The following COL11A2 variants were observed in gnomAD, a reference collection of about 807,000 sequenced individuals.
COL11A2 encodes the protein collagen alpha-2(XI) chain.
Under a neutral mutation model 273.4 loss-of-function variants are expected in COL11A2, and 116 were observed. The observed-to-expected ratio is 0.42, with a 90% confidence interval of 0.36 to 0.49. The LOEUF (loss-of-function observed/expected upper bound fraction) is 0.49. COL11A2 is among the 20% of genes least tolerant of loss of function. The probability of loss-of-function intolerance (pLI) is 0.00; values close to 1 mark genes in which losing one functional copy is unlikely to be tolerated. For synonymous variants in COL11A2, 782 were observed against 864.2 expected (o/e 0.90, Z 1.67); for missense variants, 1,866 against 2,309.0 (o/e 0.81, Z 3.93).
rs1365438026 is a variant in COL11A2, at chr6:33,169,930, A to T, written c.3637-46T>A. The stretch of plus-strand genomic sequence containing the variant: ...AAAACCTCCTCTCCTTCCCCAGCCA[A>T]AAAATTCTGATATTCCCCACATCTC... On this transcript the variant is annotated intron_variant, in intron 49 of 65. Transcript: ENST00000341947. This position sits in a 1 kb window ranked among gnomAD's most constrained non-coding sequence, Gnocchi z 5.5. 2 of 1,613,900 alleles carry T rather than the reference A, an allele frequency of 1.2e-6. No individual in the cohort carries two copies. The highest frequency in any genetic ancestry group is 2.2e-5 in the South Asian group (2 of 91,086).
At chr6:33,192,053 T>G (rs1226117307) in intron 1 of COL11A2, 106 bp downstream of exon 1, 2 of 1,070,824 alleles carry the variant, frequency 1.9e-6, no homozygotes, top group Non-Finnish European at 1.4e-6. Context: ...CCAAATCTCC[T>G]TGTTAGACTC....
In COL11A2 at chr6:33,169,082, C is replaced by G; in HGVS notation, c.3799-74G>C. 1 of 1,432,732 alleles carries G rather than the reference C, an allele frequency of 7.0e-7. No individual in the cohort carries two copies. Among genetic ancestry groups the G allele is most frequent in the Non-Finnish European group, 9.5e-7 (1 of 1,053,204 alleles). The allele number at this position is 1,432,732 out of a possible 1,614,324, so 88.8% of individuals were successfully genotyped here. On this transcript the variant is annotated intron_variant, in intron 51 of 65. Coordinates refer to ENST00000341947, the MANE Select transcript of COL11A2 (RefSeq NM_080680.3). This position sits in a 1 kb window ranked among gnomAD's most constrained non-coding sequence, Gnocchi z 5.5. Reference sequence around the variant, plus strand: ...CCCAGCACAGACGCCCACAGGCACACGCCACTGCCTCTCTAGAGGCAGTGC... The same window carrying G: ...CCCAGCACAGACGCCCACAGGCACAGGCCACTGCCTCTCTAGAGGCAGTGC...
rs1276641603 is a variant in COL11A2, at chr6:33,190,284, C to T, written c.83-815G>A. On this transcript the variant is annotated intron_variant, in intron 1 of 65. Transcript: ENST00000341947. This position sits in a 1 kb window ranked among gnomAD's most constrained non-coding sequence, Gnocchi z 4.5. ...CCCTGAGCCACACATCTGTGGATCCCATCAGAGTGCTTGCCCAGAACCCAG... is the reference window on the plus strand; with the variant it reads ...CCCTGAGCCACACATCTGTGGATCCTATCAGAGTGCTTGCCCAGAACCCAG... 6.6e-6 allele frequency among the ~76,000 whole-genome samples: 1 copy of T among 152,040 alleles called. No homozygotes were observed. The highest frequency in any genetic ancestry group is 1.9e-4 in the East Asian group (1 of 5,180).
At position 33,171,781 on chromosome 6, in the gene COL11A2, G is replaced by GC; in HGVS notation, c.3081_3082insG (p.Pro1028AlafsTer25). 1 of 1,612,938 alleles carries GC rather than the reference G, an allele frequency of 6.2e-7. No homozygotes were observed. The highest frequency in any genetic ancestry group is 8.5e-7 in the Non-Finnish European group (1 of 1,179,954). On this transcript the variant is annotated frameshift_variant, in exon 42 of 66. Transcript: ENST00000341947. LOFTEE classifies it high-confidence loss of function. ...CCTGGGCGCCCTGGCGGACCAATGG[G>GC]TCCCCCTGATCCTGCTGCACCTCGT...
Position 33,164,174 on chromosome 6 carries a change from T to A in COL11A2, c.5070+93A>T. 1 of 1,415,164 alleles carries A rather than the reference T, an allele frequency of 7.1e-7. No individual in the cohort carries two copies. The highest frequency in any genetic ancestry group is 9.7e-7 in the Non-Finnish European group (1 of 1,031,194). 87.7% of individuals were successfully genotyped at this position (1,415,164 alleles called of 1,614,324 possible). On this transcript the variant is annotated intron_variant, in intron 65 of 65. Transcript: ENST00000341947. This position sits in a 1 kb window ranked among gnomAD's most constrained non-coding sequence, Gnocchi z 4.7. ...TCCAGCAGGACGGACTCCTCCCTGC[T>A]CCCCCTGGGTGCCCTGCCCAAGGGG...
At position 33,163,785 on chromosome 6, in the gene COL11A2, T is replaced by A. The variant is rs1768676111; in HGVS notation, c.5104A>T (p.Thr1702Ser). 6.2e-7 allele frequency: 1 copy of A among 1,612,778 alleles called. No homozygotes were observed. The highest frequency in any genetic ancestry group is 8.5e-7 in the Non-Finnish European group (1 of 1,179,980). ...ACTGGCAGCTGCTCCAGCACAGGCG[T>A]TCGCACCTCCAGCACCGTCCGGCCT... is the stretch of plus-strand genomic sequence containing the variant. ...QQGRTVLEVR[T>S]PVLEQLPVLD... The change falls in exon 66 of 66, where the codon ACG becomes TCG. Residue 1702 changes from threonine (T) to serine (S), a missense_variant. By Grantham distance (58) the Thr-to-Ser change is moderately conservative (BLOSUM62 1). Transcript: ENST00000341947. This position sits in a 1 kb window ranked among gnomAD's most constrained non-coding sequence, Gnocchi z 4.1.
Position 33,165,760 on chromosome 6 carries a change from C to T in COL11A2, c.4539G>A (p.Arg1513=), listed in dbSNP as rs1346689473. 1.9e-6 allele frequency: 3 copies of T among 1,612,688 alleles called. No individual in the cohort carries two copies. In the East Asian group the frequency reaches 6.7e-5, roughly 36 times the overall value. The change falls in exon 63 of 66, where the codon CGG becomes CGA. Residue 1513 remains arginine, a synonymous_variant. Coordinates refer to ENST00000341947, the MANE Select transcript of COL11A2 (RefSeq NM_080680.3). The surrounding 1 kb of genome is among the most constrained non-coding windows in gnomAD (Gnocchi z 7.7). ...PLPIQMPKKT[R]RSVDGSRLMQ... ...TCAGACGGCTTCCATCCACCGAGCG[C>T]CGAGTCTTCTTGGGCATCTGAATGG...
Position 33,164,987 on chromosome 6 carries a change from G to T in COL11A2, c.4751-23C>A. ...CTCCTGTTGGGTGAGGGAGAGGGGA[G>T]GTCAGGGCCACCTAGGTCCAGGCTC... is the stretch of plus-strand genomic sequence containing the variant. On this transcript the variant is annotated intron_variant, in intron 63 of 65. Transcript: ENST00000341947. The surrounding 1 kb of genome is among the most constrained non-coding windows in gnomAD (Gnocchi z 4.7). The T allele has an allele frequency of 6.5e-7, 1 of 1,543,828 alleles. No homozygotes were observed. Among genetic ancestry groups the T allele is most frequent in the Non-Finnish European group, 8.8e-7 (1 of 1,137,492 alleles).
chr6:33,176,764 C>A lies in COL11A2; in HGVS notation c.2072G>T (p.Gly691Val), dbSNP rs752852730. ...PGMPGSDGPP[G>V]HPGKEGPPGT... ...AGGGGGACCTTCCTTCCCTGGGTGACCCTGGGAGTAAGGGATAGAAAATGT... is the reference window on the plus strand; with the variant it reads ...AGGGGGACCTTCCTTCCCTGGGTGAACCTGGGAGTAAGGGATAGAAAATGT... The change falls in exon 26 of 66, where the codon GGT (glycine) becomes GTT (valine). Residue 691 changes from glycine to valine, a missense_variant and splice_region_variant. Gly to Val is a moderately radical substitution (Grantham distance 109). Coordinates refer to ENST00000341947, the MANE Select transcript of COL11A2 (RefSeq NM_080680.3). The surrounding 1 kb of genome is among the most constrained non-coding windows in gnomAD (Gnocchi z 4.9). 6.2e-7 allele frequency: 1 copy of A among 1,612,856 alleles called. No homozygotes were observed. Among genetic ancestry groups the A allele is most frequent in the Non-Finnish European group, 8.5e-7 (1 of 1,179,594 alleles).
chr6:33,181,271 G>T, intron 8 of COL11A2, 101 bp from the exon 9 acceptor site: 2 of 1,238,852 alleles, frequency 1.6e-6, no homozygotes, highest in South Asian at 1.2e-5. Context: ...AGATCCTCTC[G>T]AGACCACTTC....
In COL11A2 at chr6:33,173,715, G is replaced by A. The variant is rs1280912715; in HGVS notation, c.2614C>T (p.Pro872Ser). ...GTSGGDGPHG[P>S]PGERGLPGPQ... ...TCCACACTCACCCTCTCTCCAGGGG[G>A]CCCATGGGGGCCATCACCACCAGAT... The change falls in exon 35 of 66, where the codon CCC becomes TCC. Residue 872 changes from proline (P) to serine (S), a missense_variant. By Grantham distance (74) the Pro-to-Ser change is moderately conservative (BLOSUM62 -1). Transcript: ENST00000341947. This position sits in a 1 kb window ranked among gnomAD's most constrained non-coding sequence, Gnocchi z 6.3. 1 of 1,575,692 alleles carries A rather than the reference G, an allele frequency of 6.3e-7. No homozygotes were observed. Among genetic ancestry groups the A allele is most frequent in the Non-Finnish European group, 8.6e-7 (1 of 1,159,482 alleles).
chr6:33,169,056 A>C lies in COL11A2; in HGVS notation c.3799-48T>G. On this transcript the variant is annotated intron_variant, in intron 51 of 65. Transcript: ENST00000341947. The surrounding 1 kb of genome is among the most constrained non-coding windows in gnomAD (Gnocchi z 5.5). ...GTCAGGGTCACAGCTCCCTAAGCCC[A>C]CCCAGCACAGACGCCCACAGGCACA... 1 of 1,552,024 alleles carries C rather than the reference A, an allele frequency of 6.4e-7. No homozygotes were observed. The highest frequency in any genetic ancestry group is 8.7e-7 in the Non-Finnish European group (1 of 1,147,194).
rs1769377391 is a variant in COL11A2 at position 33,167,746 on chromosome 6, G to A, written c.4014+53C>T. 1 of 1,605,508 alleles carries A rather than the reference G, an allele frequency of 6.2e-7. No individual in the cohort carries two copies. Among genetic ancestry groups the A allele is most frequent in the Non-Finnish European group, 8.5e-7 (1 of 1,174,366 alleles). On this transcript the variant is annotated intron_variant, in intron 55 of 65. Coordinates refer to ENST00000341947, the MANE Select transcript of COL11A2 (RefSeq NM_080680.3). The surrounding 1 kb of genome is among the most constrained non-coding windows in gnomAD (Gnocchi z 6.1). Reference sequence around the variant, plus strand: ...TGGGCATCTGGAGACGGAGGCATCTGAGGGGTGGGAGGCGGAGGGGATGCT... The same window carrying A: ...TGGGCATCTGGAGACGGAGGCATCTAAGGGGTGGGAGGCGGAGGGGATGCT...
At chr6:33,180,530 C>G (rs1470388530) in intron 11 of COL11A2, 138 bp downstream of exon 11, 1 of 969,200 alleles carries the variant, frequency 1.0e-6, no homozygotes, top group Non-Finnish European at 1.6e-6. Flanking sequence ...GCCCTCCTTT[C>G]TGGTTGCTGG....
chr6:33,177,269 C>A lies in COL11A2; in HGVS notation c.1972-44G>T, dbSNP rs1771055462. 1 of 1,611,804 alleles carries A rather than the reference C, an allele frequency of 6.2e-7. No individual in the cohort carries two copies. The highest frequency in any genetic ancestry group is 1.7e-5 in the Admixed American group (1 of 59,964). On this transcript the variant is annotated intron_variant, in intron 23 of 65. Coordinates refer to ENST00000341947, the MANE Select transcript of COL11A2 (RefSeq NM_080680.3). This position sits in a 1 kb window ranked among gnomAD's most constrained non-coding sequence, Gnocchi z 5.9. ...AAGTCACAGGGGCCTCCCAGGGTCT[C>A]TTCTATCCAGCCTCCCGGATTCAAA...
chr6:33,188,433 C>A lies in COL11A2; in HGVS notation c.535G>T (p.Ala179Ser), dbSNP rs763160393. ...CCATGGGTGTCCAATACTGGACGAG[C>A]ACTTCGGGGGAGAGGCCGGGTGACT... ...KRVTRPLPRS[A>S]RPVLDTHGVI... Residue 179 changes from alanine (A) to serine (S), a missense_variant, in exon 4 of 66, where the codon GCT (alanine) becomes TCT (serine). Coordinates refer to ENST00000341947, the MANE Select transcript of COL11A2 (RefSeq NM_080680.3). 2.4e-5 allele frequency: 39 copies of A among 1,612,940 alleles called. No individual in the cohort carries two copies. Among genetic ancestry groups the A allele is most frequent in the Non-Finnish European group, 8.5e-7 (1 of 1,180,030 alleles).
chr6:33,168,438 C>T, intron 54 of COL11A2, 81 bp downstream of exon 54: 2 of 1,478,542 alleles, frequency 1.4e-6, no homozygotes, highest in Non-Finnish European at 1.9e-6. Context: ...CCTCCCCACC[C>T]ATCCCACCTG....
Position 33,167,254 on chromosome 6 carries a change from A to G in COL11A2, c.4176+10T>C. The G allele has an allele frequency of 6.2e-7, 1 of 1,613,990 alleles. No homozygotes were observed. On this transcript the variant is annotated intron_variant, in intron 57 of 65. Coordinates refer to ENST00000341947, the MANE Select transcript of COL11A2 (RefSeq NM_080680.3). The surrounding 1 kb of genome is among the most constrained non-coding windows in gnomAD (Gnocchi z 6.1). Reference sequence around the variant, plus strand: ...CTCACCCCTCACTCAGCCCAATCCCAGTCACTCACCACAGGACCTGGGGGC... The same window carrying G: ...CTCACCCCTCACTCAGCCCAATCCCGGTCACTCACCACAGGACCTGGGGGC...
Position 33,169,451 on chromosome 6 carries a change from G to T in COL11A2, c.3730C>A (p.Gln1244Lys). The T allele has an allele frequency of 6.2e-7, 1 of 1,612,856 alleles. No homozygotes were observed. Among genetic ancestry groups the T allele is most frequent in the South Asian group, 1.1e-5 (1 of 91,084 alleles). Residue 1244 changes from glutamine (Q) to lysine (K), a missense_variant, in exon 51 of 66, where the codon CAG becomes AAG. Transcript: ENST00000341947. This position sits in a 1 kb window ranked among gnomAD's most constrained non-coding sequence, Gnocchi z 5.5. ...CCTGGTGGCCCTGGCTCTCCTGGCT[G>T]CCCCGACTCTCCTTTCTCTCCACGT... The part of the protein sequence containing the change: ...GERGEKGESG[Q>K]PGEPGPPGPK...
Sources: gnomAD v4.1 joint callset for allele counts (sites outside exome capture counted in the v4.1 genomes callset) on GRCh38, gnomAD v4.1.1 for gene constraint, Gnocchi (gnomAD v3.1) non-coding constraint, MANE v1.5 for transcripts, NCBI Gene and HGNC (gene_info 2026-07-23, HGNC 2026-07-21) for gene names.